Variants in PARN observed in about 807,000 individuals in gnomAD.
PARN encodes the protein poly(A)-specific ribonuclease, also known as poly(A)-specific ribonuclease PARN.
A neutral mutation model predicts 102.8 loss-of-function variants in PARN; 71 were observed. That is an observed-to-expected ratio of 0.69 (90% CI 0.57 to 0.84). The LOEUF (loss-of-function observed/expected upper bound fraction) is 0.84, where lower values mean the gene tolerates loss of function less well. Among genes scored for constraint, PARN ranks in the 40% least tolerant of loss-of-function variants. PARN has a pLI of 0.00. For synonymous variants in PARN, 261 were observed against 252.9 expected (o/e 1.03, Z -0.30); for missense variants, 782 against 760.9 (o/e 1.03, Z -0.33).
At chr16:14,608,561 A>T (rs1352977215) in intron 8 of PARN, among the ~76,000 whole-genome samples, 1 of 152,222 alleles carries the variant, frequency 6.6e-6, no homozygotes, top group Admixed American at 6.5e-5. Flanking sequence ...TCTAATCAAA[A>T]TATTGCTTCC....
intron 11 of PARN, among the ~76,000 whole-genome samples, chr16:14,600,790 C>G (rs8063661): frequency 6.6e-6 from 1 of 152,078 alleles, no homozygotes; most frequent in East Asian, 1.9e-4. Context: ...ATTATCCGGA[C>G]GTGGTGGTGC....
chr16:14,607,496 C>A (rs1971265726), intron 9 of PARN, among the ~76,000 whole-genome samples: 1 of 152,200 alleles, frequency 6.6e-6, no homozygotes, highest in Admixed American at 6.5e-5. Context: ...GAGTGAGCCA[C>A]CGCGCCCGGC....
At chr16:14,525,444 G>C (rs1965947158) in intron 21 of PARN, among the ~76,000 whole-genome samples, 1 of 152,146 alleles carries the variant, frequency 6.6e-6, no homozygotes, top group Non-Finnish European at 1.5e-5. Flanking sequence ...CCAGACCAAG[G>C]TGGGGTGCAC....
At chr16:14,543,997 C>T (rs1407632803) in intron 21 of PARN, among the ~76,000 whole-genome samples, 1 of 152,134 alleles carries the variant, frequency 6.6e-6, no homozygotes, top group Non-Finnish European at 1.5e-5. Flanking sequence ...GAGTTCAAGA[C>T]CAGCCTGACC....
At chr16:14,539,362 A>C (rs918462640) in intron 21 of PARN, among the ~76,000 whole-genome samples, 1 of 152,224 alleles carries the variant, frequency 6.6e-6, no homozygotes, top group Non-Finnish European at 1.5e-5. Flanking sequence ...TGCTGTATCA[A>C]GGACTTGGGA....
At chr16:14,563,474 CTT>C (rs1567389426) in intron 18 of PARN, among the ~76,000 whole-genome samples, 3 of 111,058 alleles carry the variant, frequency 2.7e-5, no homozygotes, top group Non-Finnish European at 3.6e-5. Context: ...TTGAAAATTC[CTT>C]TGTGTGTGTG....
At chr16:14,618,424 C>T (rs1271629322) in intron 5 of PARN, among the ~76,000 whole-genome samples, 1 of 150,578 alleles carries the variant, frequency 6.6e-6, no homozygotes, top group Non-Finnish European at 1.5e-5. Flanking sequence ...AGAGGTGGAG[C>T]TTGCAGTGAG....
In PARN at chr16:14,525,051, T is replaced by A. The variant is rs1264615558; in HGVS notation, c.1480+26970A>T. Among the ~76,000 whole-genome samples, 13 of 152,312 alleles carry A rather than the reference T, an allele frequency of 8.5e-5. No homozygotes were observed. In the South Asian group the frequency reaches 2.7e-3, roughly 32 times the overall value. On this transcript the variant is annotated intron_variant, in intron 21 of 23. Transcript: ENST00000437198. The stretch of plus-strand genomic sequence containing the variant: ...AAACAACTACTACTACTACGAAATA[T>A]GAGGAGTGTTAAATTTCCTTGTTTC...
At chr16:14,621,106 A>G (rs1394011658) in intron 5 of PARN, among the ~76,000 whole-genome samples, 1 of 152,120 alleles carries the variant, frequency 6.6e-6, no homozygotes, top group Non-Finnish European at 1.5e-5. Context: ...ATACTTTACA[A>G]CAAGCAATCT....
intron 12 of PARN, among the ~76,000 whole-genome samples, chr16:14,594,120 A>G (rs1225506514): frequency 6.6e-6 from 1 of 152,244 alleles, no homozygotes; most frequent in Non-Finnish European, 1.5e-5. Flanking sequence ...TAAAAGATAC[A>G]TTCATACCAA....
chr16:14,450,035 T>C (rs1961379652), intron 22 of PARN, among the ~76,000 whole-genome samples: 1 of 152,236 alleles, frequency 6.6e-6, no homozygotes, highest in Non-Finnish European at 1.5e-5. Flanking sequence ...TTATTTGGAA[T>C]TGCAAAATAC....
chr16:14,628,144 A>G (rs760256929), intron 3 of PARN, 28 bp downstream of exon 3: 2 of 1,307,922 alleles, frequency 1.5e-6, no homozygotes, highest in South Asian at 2.4e-5. Context: ...CATGAGAAAG[A>G]AAAAGATTTC....
chr16:14,626,486 T>A (rs1038311217), intron 5 of PARN, among the ~76,000 whole-genome samples: 1 of 152,218 alleles, frequency 6.6e-6, no homozygotes, highest in Admixed American at 6.5e-5. Flanking sequence ...GTGGTTCAAC[T>A]TGGGGGTAAA....
intron 8 of PARN, 124 bp downstream of exon 8, chr16:14,608,934 G>T: frequency 1.6e-6 from 1 of 632,610 alleles, no homozygotes; most frequent in South Asian, 2.0e-5. Flanking sequence ...TTTAATTCTT[G>T]AGAACATAGC....
At chr16:14,491,041 G>A (rs1322300487) in intron 21 of PARN, among the ~76,000 whole-genome samples, 2 of 151,996 alleles carry the variant, frequency 1.3e-5, no homozygotes, top group Middle Eastern at 3.4e-3. Context: ...AAGGAACTAG[G>A]CAGATACTAA....
intron 21 of PARN, among the ~76,000 whole-genome samples, chr16:14,541,943 A>C (rs1303810698): frequency 9.2e-5 from 14 of 152,206 alleles, no homozygotes; most frequent in Non-Finnish European, 1.5e-4. Flanking sequence ...CCCATTCTCA[A>C]GGGAAACCAT....
chr16:14,492,725 A>C (rs989676330), intron 21 of PARN, among the ~76,000 whole-genome samples: 7 of 152,194 alleles, frequency 4.6e-5, no homozygotes, highest in Admixed American at 2.0e-4. Flanking sequence ...AGTCTTTACA[A>C]ACTAGACATG....
chr16:14,533,421 C>G (rs538773047), intron 21 of PARN, among the ~76,000 whole-genome samples: 9 of 24,038 alleles, frequency 3.7e-4, no homozygotes, highest in East Asian at 1.8e-3. Flanking sequence ...CGTGGGGAGA[C>G]GGAGAGGGAG....
chr16:14,614,318 C>T (rs1195342096), intron 6 of PARN, among the ~76,000 whole-genome samples: 1 of 151,628 alleles, frequency 6.6e-6, no homozygotes, highest in Non-Finnish European at 1.5e-5. Context: ...AGACCCATGA[C>T]GCTGCCATTG....
Sources: allele counts gnomAD v4.1 joint callset (sites outside exome capture counted in the v4.1 genomes callset), GRCh38; gene constraint gnomAD v4.1.1; transcripts MANE v1.5; gene names NCBI Gene and HGNC (gene_info 2026-07-23, HGNC 2026-07-21).